Variants in RNF123 observed in about 807,000 individuals in gnomAD.
The protein encoded by RNF123 is E3 ubiquitin-protein ligase RNF123.
In RNF123, 86 loss-of-function variants were observed where a neutral mutation model predicts 168.5. The ratio of observed to expected loss-of-function variants is 0.51; its 90% confidence interval spans 0.43 to 0.61. RNF123 has a LOEUF of 0.61. Ranked by LOEUF, RNF123 falls within the 20% of genes least tolerant of loss-of-function variation. RNF123 has a pLI of 0.00. For synonymous variants in RNF123, 666 were observed against 689.1 expected (o/e 0.97, Z 0.52); for missense variants, 1,419 against 1,729.7 (o/e 0.82, Z 3.19).
At chr3:49,698,289 G>T in intron 7 of RNF123, 151 bp from the exon 8 acceptor site, 1 of 924,574 alleles carries the variant, frequency 1.1e-6, no homozygotes, top group East Asian at 2.6e-5. Context: ...CCCAATCCCA[G>T]GCACCCCAGC....
intron 35 of RNF123, chr3:49,718,524 C>T (rs1030585913): frequency 1.9e-6 from 3 of 1,613,156 alleles, no homozygotes; most frequent in Non-Finnish European, 2.5e-6. Flanking sequence ...GCTCCTGCTG[C>T]GGCGAAACCC....
chr3:49,713,059 A>G (rs1575536863), intron 27 of RNF123: 1 of 634,882 alleles, frequency 1.6e-6, no homozygotes, highest in South Asian at 1.8e-5. Flanking sequence ...CAGGGGGTGG[A>G]CCCTGCTAGG....
Position 49,714,152 on chromosome 3 carries a change from C to A in RNF123, c.2988C>A (p.Asp996Glu). 6.2e-7 allele frequency: 1 copy of A among 1,613,930 alleles called. No homozygotes were observed. Among genetic ancestry groups the A allele is most frequent in the South Asian group, 1.1e-5 (1 of 91,080 alleles). ...ATCTGCTGAAAACCAAACTTGAGGA[C>A]GCCAATTTGCCCAGCCTCCAGAGTG... ...LPHLLKTKLE[D>E]ANLPSLQKPC... The change falls in exon 31 of 39, where the codon GAC (aspartate) becomes GAA (glutamate). Residue 996 changes from aspartate to glutamate, a missense_variant. By Grantham distance (45) the Asp-to-Glu change is conservative. Coordinates refer to ENST00000327697, the MANE Select transcript of RNF123 (RefSeq NM_022064.5).
Position 49,701,604 on chromosome 3 carries a change from G to A in RNF123, c.1391G>A (p.Arg464Lys), listed in dbSNP as rs373786285. The change falls in exon 16 of 39, where the codon AGG becomes AAG. Residue 464 changes from arginine to lysine, a missense_variant. Physicochemically the swap from Arg to Lys is conservative, Grantham distance 26. Around this residue, in one of 5 missense-constraint regions of RNF123, gnomAD observed 349 missense variants for 344.9 expected, o/e 1.01. Coordinates refer to ENST00000327697, the MANE Select transcript of RNF123 (RefSeq NM_022064.5). ...PTTWWPHCSS[R>K]EGKESTEMKE... ...ACCTGGTGGCCCCACTGCTCCAGTA[G>A]GGAGGTGAGTGCACCCCAAGTGGGA... 37 of 1,612,750 alleles carry A rather than the reference G, an allele frequency of 2.3e-5. No individual in the cohort carries two copies. In the African/African-American group the frequency reaches 3.7e-4, roughly 16 times the overall value.
chr3:49,698,877 C>T, intron 9 of RNF123, 55 bp downstream of exon 9: 11 of 1,605,878 alleles, frequency 6.8e-6, no homozygotes, highest in Non-Finnish European at 9.4e-6. Flanking sequence ...CCCAGACTGC[C>T]CCCAGTTTCC....
intron 3 of RNF123, among the ~76,000 whole-genome samples, chr3:49,693,337 T>G (rs1300478283): frequency 7.1e-6 from 1 of 141,408 alleles, no homozygotes; most frequent in Non-Finnish European, 1.5e-5. Flanking sequence ...CGTGAGCCAG[T>G]GTGCCTGGCC....
At chr3:49,702,187 G>A in intron 18 of RNF123, 43 bp downstream of exon 18, 1 of 1,604,242 alleles carries the variant, frequency 6.2e-7, no homozygotes, top group Non-Finnish European at 8.5e-7. Context: ...CTGTGGGGAG[G>A]GATGCTGCAC....
At chr3:49,697,982 T>C (rs1403874427) in intron 6 of RNF123, 43 bp downstream of exon 6, 2 of 1,613,686 alleles carry the variant, frequency 1.2e-6, no homozygotes, top group East Asian at 4.5e-5. Flanking sequence ...GAGGAGAAAG[T>C]TTAAGGGCCC....
chr3:49,694,849 CCTA>C (rs976373746), intron 3 of RNF123, among the ~76,000 whole-genome samples: 15 of 151,918 alleles, frequency 9.9e-5, no homozygotes, highest in African/African-American at 3.6e-4. Context: ...CAGAGATGGT[CCTA>C]CTGCTGCTGC....
intron 35 of RNF123, chr3:49,719,296 G>T (rs775954790): frequency 6.2e-7 from 1 of 1,613,148 alleles, no homozygotes. Flanking sequence ...AGGTAACTCG[G>T]CTGGCACGTC....
intron 5 of RNF123, 148 bp from the exon 6 acceptor site, chr3:49,697,737 C>G (rs936373428): frequency 2.1e-6 from 2 of 962,862 alleles, no homozygotes; most frequent in Non-Finnish European, 3.3e-6. Flanking sequence ...CAAGCCTACC[C>G]GCTCCCACCG....
rs2054529756 is a variant in RNF123, at chr3:49,706,878, C to T, written c.2476C>T (p.His826Tyr). ...DHLSRRLAWVHATVYSQEKML... is the reference protein window; with the variant it reads ...DHLSRRLAWVYATVYSQEKML... The stretch of plus-strand genomic sequence containing the variant: ...CCTGAGCCGCCGTCTTGCCTGGGTC[C>T]ATGCCACTGTCTACTCCCAGGTGTG... Residue 826 changes from histidine (H) to tyrosine (Y), a missense_variant, in exon 26 of 39, where the codon CAT becomes TAT. Physicochemically the swap from His to Tyr is moderately conservative, Grantham distance 83 (BLOSUM62 2). This residue lies in a region of RNF123 where 538 missense variants were observed against 708.8 expected (regional missense o/e 0.76). Transcript: ENST00000327697. 1 of 1,614,018 alleles carries T rather than the reference C, an allele frequency of 6.2e-7. No homozygotes were observed. Among genetic ancestry groups the T allele is most frequent in the Admixed American group, 1.7e-5 (1 of 60,006 alleles).
intron 35 of RNF123, chr3:49,718,013 G>A (rs1330525662): frequency 1.9e-6 from 3 of 1,613,680 alleles, no homozygotes; most frequent in Non-Finnish European, 1.7e-6. Flanking sequence ...GCCTTCAGCT[G>A]CAGGCCTCCA....
chr3:49,690,377 A>G lies in RNF123; in HGVS notation c.-36-753A>G, dbSNP rs375394376. 2.6e-5 allele frequency among the ~76,000 whole-genome samples: 4 copies of G among 152,270 alleles called. No homozygotes were observed. The East Asian group carries it at 5.8e-4, about 22-fold the overall frequency. On this transcript the variant is annotated intron_variant, in intron 1 of 38. Transcript: ENST00000327697. ...TAAAACTTTAAATTTAAGTAACCTC[A>G]TGTGGATGACGGCTGCTGTGTTGGA...
Position 49,701,577 on chromosome 3 carries a change from C to G in RNF123, c.1364C>G (p.Thr455Ser), listed in dbSNP as rs766943338. ...EEAGLQELIP[T>S]TWWPHCSSRE... Reference sequence around the variant, plus strand: ...GCCGGCCTGCAGGAGCTCATTCCCACCACCTGGTGGCCCCACTGCTCCAGT... The same window carrying G: ...GCCGGCCTGCAGGAGCTCATTCCCAGCACCTGGTGGCCCCACTGCTCCAGT... The change falls in exon 16 of 39, where the codon ACC (threonine) becomes AGC (serine). Residue 455 changes from threonine (T) to serine (S), a missense_variant. By Grantham distance (58) the Thr-to-Ser change is moderately conservative. Transcript: ENST00000327697. The G allele has an allele frequency of 6.2e-7, 1 of 1,613,638 alleles. No individual in the cohort carries two copies.
Position 49,702,645 on chromosome 3 carries a change from C to T in RNF123, c.1642C>T (p.Leu548Phe). Reference protein sequence around the residue: ...NASGRGNMPMLCPPEYMVCFL... With the variant: ...NASGRGNMPMFCPPEYMVCFL... ...CTGGTGTCCACAGAACATGCCCATGCTCTGCCCCCCTGAGTACATGGTCTG... is the reference window on the plus strand; with the variant it reads ...CTGGTGTCCACAGAACATGCCCATGTTCTGCCCCCCTGAGTACATGGTCTG... Residue 548 changes from leucine (L) to phenylalanine (F), a missense_variant, in exon 20 of 39, where the codon CTC becomes TTC. This residue lies in a region of RNF123 where 349 missense variants were observed against 344.9 expected (regional missense o/e 1.01). Coordinates refer to ENST00000327697, the MANE Select transcript of RNF123 (RefSeq NM_022064.5). 1.9e-6 allele frequency: 3 copies of T among 1,614,244 alleles called. No individual in the cohort carries two copies. The highest frequency in any genetic ancestry group is 1.7e-6 in the Non-Finnish European group (2 of 1,180,030).
chr3:49,719,428 A>G lies in RNF123; in HGVS notation c.3501-1083A>G, dbSNP rs1193567524. 1.2e-6 allele frequency: 2 copies of G among 1,613,436 alleles called. No homozygotes were observed. Among genetic ancestry groups the G allele is most frequent in the African/African-American group, 1.3e-5 (1 of 74,930 alleles). On this transcript the variant is annotated intron_variant, in intron 35 of 38. Transcript: ENST00000327697. ...CGGGGTGCCTAACCCAACGCGCAGC[A>G]TGCAGAGCAGTGTCCCCAGCAGCAC... is the stretch of plus-strand genomic sequence containing the variant.
rs1004340746 is a variant in RNF123, at chr3:49,715,959, C to T, written c.3288C>T (p.Phe1096=). The T allele has an allele frequency of 6.2e-7, 1 of 1,614,048 alleles. No individual in the cohort carries two copies. ...EMTITLVPEI[F]LDWTRPTSEM... The stretch of plus-strand genomic sequence containing the variant: ...CTATCACACTGGTGCCTGAGATATT[C>T]CTTGACTGGACCCGGCCTACCTCTG... Residue 1096 remains phenylalanine, a synonymous_variant, in exon 33 of 39, where the codon TTC becomes TTT. Coordinates refer to ENST00000327697, the MANE Select transcript of RNF123 (RefSeq NM_022064.5).
chr3:49,699,956 C>T lies in RNF123; in HGVS notation c.984+184C>T, dbSNP rs1282288417. Reference sequence around the variant, plus strand: ...CCTAGGGAAACAGGGACATTGCCAACCAAGGGCATCAGGGGATGTCCTGGA... The same window carrying T: ...CCTAGGGAAACAGGGACATTGCCAATCAAGGGCATCAGGGGATGTCCTGGA... On this transcript the variant is annotated intron_variant, in intron 12 of 38. Coordinates refer to ENST00000327697, the MANE Select transcript of RNF123 (RefSeq NM_022064.5). The surrounding 1 kb of genome is among the most constrained non-coding windows in gnomAD (Gnocchi z 4.8). 1.4e-6 allele frequency: 1 copy of T among 697,726 alleles called. No individual in the cohort carries two copies. Among genetic ancestry groups the T allele is most frequent in the Non-Finnish European group, 2.4e-6 (1 of 417,134 alleles). The allele number at this position is 697,726 out of a possible 1,614,324, so 43.2% of individuals were successfully genotyped here.
Sources: gnomAD v4.1 joint callset for allele counts (sites outside exome capture counted in the v4.1 genomes callset) on GRCh38, gnomAD v4.1.1 for gene constraint, gnomAD v4.1.1 regional missense constraint, Gnocchi (gnomAD v3.1) non-coding constraint, MANE v1.5 for transcripts, NCBI Gene and HGNC (gene_info 2026-07-23, HGNC 2026-07-21) for gene names.